Variants in DYNC2I1 observed in about 807,000 individuals in gnomAD.
DYNC2I1 encodes the protein cytoplasmic dynein 2 intermediate chain 1.
In DYNC2I1, 89 loss-of-function variants were observed where a neutral mutation model predicts 133.4. The observed-to-expected ratio is 0.67, with a 90% CI of 0.56 to 0.80. DYNC2I1 has a LOEUF of 0.80. Ranked by LOEUF, DYNC2I1 falls within the 30% of genes least tolerant of loss-of-function variation. The probability of loss-of-function intolerance (pLI) is 0.00; values close to 1 mark genes in which losing one functional copy is unlikely to be tolerated. For missense variants in DYNC2I1, 1,291 were observed against 1,314.5 expected (o/e 0.98, Z 0.28); for synonymous variants, 504 against 484.3 (o/e 1.04, Z -0.54).
intron 1 of DYNC2I1, among the ~76,000 whole-genome samples, chr7:158,867,545 C>T (rs1563079367): frequency 6.6e-6 from 1 of 152,176 alleles, no homozygotes; most frequent in Non-Finnish European, 1.5e-5. Context: ...ACAGGAGGCG[C>T]TCCAGGTGGC....
intron 15 of DYNC2I1, among the ~76,000 whole-genome samples, chr7:158,921,169 C>T (rs1849040223): frequency 6.6e-6 from 1 of 152,132 alleles, no homozygotes; most frequent in African/African-American, 2.4e-5. Flanking sequence ...AAAATAAAGA[C>T]AGTTCTGATA....
intron 3 of DYNC2I1, among the ~76,000 whole-genome samples, chr7:158,871,962 T>A (rs1311662820): frequency 1.3e-5 from 2 of 152,248 alleles, no homozygotes; most frequent in Non-Finnish European, 2.9e-5. Flanking sequence ...GTTCCTGTTC[T>A]CTCTGTTGCG....
At chr7:158,885,468 A>G (rs975787534) in intron 6 of DYNC2I1, among the ~76,000 whole-genome samples, 1 of 151,830 alleles carries the variant, frequency 6.6e-6, no homozygotes, top group African/African-American at 2.4e-5. Context: ...CAGCCTCCCA[A>G]GTAGCTGGAA....
chr7:158,958,608 ATTAG>A (rs1852259392), downstream of DYNC2I1, among the ~76,000 whole-genome samples: 1 of 152,236 alleles, frequency 6.6e-6, no homozygotes, highest in South Asian at 2.1e-4. Flanking sequence ...CAAACTACAC[ATTAG>A]TTAAATAGAA....
intron 4 of DYNC2I1, among the ~76,000 whole-genome samples, chr7:158,878,391 C>T (rs1257937455): frequency 4.0e-5 from 4 of 99,278 alleles, no homozygotes; most frequent in South Asian, 3.7e-4. Context: ...CTGTGAATGC[C>T]GGGTGCCATG....
At chr7:158,848,397 C>CGT in the DYNC2I1 span, among the ~76,000 whole-genome samples, 2 of 152,088 alleles carry the variant, frequency 1.3e-5, no homozygotes, top group African/African-American at 4.8e-5. Flanking sequence ...GGGCACCTTG[C>CGT]GTGATATTAC....
In DYNC2I1 at chr7:158,930,596, A is replaced by G; in HGVS notation, c.2546+81A>G. On this transcript the variant is annotated intron_variant, in intron 21 of 24. Coordinates refer to ENST00000407559, the MANE Select transcript of DYNC2I1 (RefSeq NM_018051.5). Reference sequence around the variant, plus strand: ...CATTGGGGAATTGCATATACGGTAAATGGTGAGCTTTTGCGATGAAGAAGT... The same window carrying G: ...CATTGGGGAATTGCATATACGGTAAGTGGTGAGCTTTTGCGATGAAGAAGT... 6.9e-6 allele frequency: 8 copies of G among 1,167,032 alleles called. 1 individual carries two copies. In the South Asian group the frequency reaches 1.1e-4, roughly 17 times the overall value. The allele number at this position is 1,167,032 out of a possible 1,614,324, so 72.3% of individuals were successfully genotyped here.
chr7:158,910,710 C>T (rs898963497), intron 11 of DYNC2I1, among the ~76,000 whole-genome samples: 2 of 147,446 alleles, frequency 1.4e-5, no homozygotes, highest in African/African-American at 5.1e-5. Flanking sequence ...CTGTGTCAGA[C>T]CTGTGGGCGG....
At position 158,871,102 on chromosome 7, in the gene DYNC2I1, C is replaced by T. The variant is rs762135281; in HGVS notation, c.70-40C>T. 3.2e-6 allele frequency: 5 copies of T among 1,568,692 alleles called. No individual in the cohort carries two copies. The Admixed American group carries it at 9.8e-5, about 31-fold the overall frequency. On this transcript the variant is annotated intron_variant, in intron 2 of 24. Transcript: ENST00000407559. ...GTATTAAAAGTCTAATGGAAATCTG[C>T]CTTCCTGGTCACGGAGGACCCTTTG...
Position 158,871,397 on chromosome 7 carries a change from C to T in DYNC2I1, c.325C>T (p.Arg109Ter), listed in dbSNP as rs754211755. 4.5e-6 allele frequency: 7 copies of T among 1,551,468 alleles called. No individual in the cohort carries two copies. Among genetic ancestry groups the T allele is most frequent in the African/African-American group, 1.4e-5 (1 of 72,948 alleles). The change falls in exon 3 of 25, where the codon CGA (arginine) becomes TGA (stop). Residue 109 changes from arginine to a stop codon, truncating the protein, a stop_gained. Transcript: ENST00000407559. LOFTEE classifies it high-confidence loss of function. ...GAAAGAAAAGCTGAAGGAGAAACAT[C>T]GAGAGGCAGAAAAGTCTCACAGCAG... ...REKEKLKEKH[R>*]EAEKSHSRGK...
intron 24 of DYNC2I1, among the ~76,000 whole-genome samples, chr7:158,943,993 C>G (rs1472867522): frequency 6.6e-6 from 1 of 152,162 alleles, no homozygotes; most frequent in Non-Finnish European, 1.5e-5. Context: ...GTTGAGCAGC[C>G]AGAGGGACCT....
At chr7:158,839,692 C>T in the DYNC2I1 span, among the ~76,000 whole-genome samples, 15 of 152,172 alleles carry the variant, frequency 9.9e-5, no homozygotes, top group Admixed American at 2.0e-4. Context: ...TGGTGGCGGG[C>T]GCCTGTAGTC....
At chr7:158,928,278 A>G (rs1849824385) in intron 20 of DYNC2I1, among the ~76,000 whole-genome samples, 1 of 152,182 alleles carries the variant, frequency 6.6e-6, no homozygotes, top group African/African-American at 2.4e-5. Flanking sequence ...TTTTGATCTC[A>G]ACTTCTTTCT....
intron 3 of DYNC2I1, among the ~76,000 whole-genome samples, chr7:158,873,754 G>T (rs1191940959): frequency 2.0e-5 from 3 of 151,982 alleles, no homozygotes; most frequent in African/African-American, 7.2e-5. Flanking sequence ...ACTGCACCTG[G>T]GTAATTTATT....
chr7:158,901,662 T>C (rs976014569), intron 8 of DYNC2I1, 77 bp from the exon 9 acceptor site: 8 of 909,424 alleles, frequency 8.8e-6, no homozygotes, highest in African/African-American at 5.1e-5. Flanking sequence ...AGAAAACATA[T>C]ATGTTTTCCC....
chr7:158,900,116 CTTTT>C (rs869092810), intron 8 of DYNC2I1, among the ~76,000 whole-genome samples: 1 of 137,062 alleles, frequency 7.3e-6, no homozygotes, highest in African/African-American at 2.7e-5. Flanking sequence ...GAATGTAATT[CTTTT>C]TTTTTTTTTT....
chr7:158,940,200 T>G (rs369262551), intron 23 of DYNC2I1, among the ~76,000 whole-genome samples: 2 of 152,170 alleles, frequency 1.3e-5, no homozygotes, highest in African/African-American at 4.8e-5. Context: ...TTCCCAGAAC[T>G]GGGGATTTGG....
rs541525679 is a variant in DYNC2I1, at chr7:158,871,557, G to T, written c.485G>T (p.Arg162Leu). Residue 162 changes from arginine to leucine, a missense_variant, in exon 3 of 25, where the codon CGC (arginine) becomes CTC (leucine). Physicochemically the swap from Arg to Leu is moderately radical, Grantham distance 102. Coordinates refer to ENST00000407559, the MANE Select transcript of DYNC2I1 (RefSeq NM_018051.5). ...QLLERAERKG[R>L]SVSKVRSEEK... ...CTGGAGCGGGCGGAGAGGAAAGGCC[G>T]CTCAGGTGGGTCCCCGCTTGCCTTC... is the stretch of plus-strand genomic sequence containing the variant. 1.8e-5 allele frequency: 27 copies of T among 1,533,366 alleles called. No individual in the cohort carries two copies. In the Admixed American group the frequency reaches 1.8e-4, roughly 10 times the overall value. The allele number at this position is 1,533,366 out of a possible 1,614,324, so 95.0% of individuals were successfully genotyped here.
intron 20 of DYNC2I1, among the ~76,000 whole-genome samples, chr7:158,928,974 A>G (rs1849912728): frequency 6.6e-6 from 1 of 152,226 alleles, no homozygotes; most frequent in Non-Finnish European, 1.5e-5. Context: ...TATGGAGACA[A>G]AATCATTTTG....
Sources: allele counts gnomAD v4.1 joint callset (sites outside exome capture counted in the v4.1 genomes callset), GRCh38; gene constraint gnomAD v4.1.1; transcripts MANE v1.5; gene names NCBI Gene and HGNC (gene_info 2026-07-23, HGNC 2026-07-21).